Variants in POTEF observed in about 807,000 individuals in gnomAD.
POTEF encodes the protein POTE ankyrin domain family member F.
POTEF carries 20 observed loss-of-function variants against 83.2 expected under a neutral mutation model. The ratio of observed to expected loss-of-function variants is 0.24; its 90% CI spans 0.17 to 0.35. The LOEUF (loss-of-function observed/expected upper bound fraction) is 0.35, where lower values mean the gene tolerates loss of function less well. Ranked by LOEUF, POTEF falls within the 10% of genes least tolerant of loss-of-function variation. The pLI is 1.00. For missense variants in POTEF, 550 were observed against 1,203.2 expected (o/e 0.46, Z 8.03); for synonymous variants, 196 against 446.4 (o/e 0.44, Z 7.07).
intron 9 of POTEF, among the ~76,000 whole-genome samples, chr2:130,101,253 C>T (rs1393739734): frequency 4.0e-5 from 6 of 150,170 alleles, no homozygotes; most frequent in Non-Finnish European, 2.9e-5. Context: ...GAAAGAGATG[C>T]AAATTCTCAA....
At chr2:130,112,177 A>T (rs4614874) in intron 5 of POTEF, 76 bp from the exon 6 acceptor site, 6 of 1,274,020 alleles carry the variant, frequency 4.7e-6, no homozygotes, top group Non-Finnish European at 6.4e-6. Flanking sequence ...GAAACTTTAT[A>T]TAAGATCTTA....
At chr2:130,117,311 CCA>C (rs1303589497) in intron 3 of POTEF, among the ~76,000 whole-genome samples, 1 of 151,880 alleles carries the variant, frequency 6.6e-6, no homozygotes, top group Non-Finnish European at 1.5e-5. Context: ...AGATAGCCAA[CCA>C]CAGATAGAAA....
chr2:130,075,152 C>T lies in POTEF; in HGVS notation c.2320G>A (p.Gly774Ser), dbSNP rs755473566. The T allele has an allele frequency of 6.2e-6, 10 of 1,613,412 alleles. No homozygotes were observed. The highest frequency in any genetic ancestry group is 3.3e-5 in the South Asian group (3 of 91,044). Residue 774 changes from glycine to serine, a missense_variant, in exon 17 of 17, where the codon GGC (glycine) becomes AGC (serine). Coordinates refer to ENST00000409914, the MANE Select transcript of POTEF (RefSeq NM_001099771.2). ...ATGTCATCCCAGTTGGTGATGATGC[C>T]GTGTTCCATGGGGTACTTCAGGGTC... Reference protein sequence around the residue: ...ILTLKYPMEHGIITNWDDMEK... With the variant: ...ILTLKYPMEHSIITNWDDMEK...
At chr2:130,128,109 G>A (rs986891261) in intron 1 of POTEF, among the ~76,000 whole-genome samples, 40 of 147,950 alleles carry the variant, frequency 2.7e-4, no homozygotes, top group African/African-American at 1.0e-3. Context: ...GGGAGCAGGA[G>A]TAGGAGAAAC....
intron 15 of POTEF, among the ~76,000 whole-genome samples, chr2:130,083,227 C>A (rs1308255679): frequency 6.7e-6 from 1 of 149,052 alleles, no homozygotes; most frequent in Non-Finnish European, 1.5e-5. Flanking sequence ...CCCAGCTACT[C>A]AGGAGGCTGA....
chr2:130,123,709 T>C (rs2104831873), intron 2 of POTEF, among the ~76,000 whole-genome samples: 1 of 151,438 alleles, frequency 6.6e-6, no homozygotes, highest in East Asian at 1.9e-4. Context: ...GCTACATAAA[T>C]GCTATGTAAA....
intron 5 of POTEF, among the ~76,000 whole-genome samples, chr2:130,114,506 A>G (rs1573612944): frequency 6.8e-6 from 1 of 146,814 alleles, no homozygotes; most frequent in East Asian, 2.0e-4. Flanking sequence ...ATCTCTATTC[A>G]CTGAAACATG....
intron 8 of POTEF, among the ~76,000 whole-genome samples, chr2:130,107,070 T>G (rs1334494245): frequency 8.8e-5 from 13 of 148,400 alleles, no homozygotes. Context: ...TTGGACAATA[T>G]AATGTATTAG....
At chr2:130,117,428 G>A (rs1684871441) in intron 3 of POTEF, among the ~76,000 whole-genome samples, 1 of 151,742 alleles carries the variant, frequency 6.6e-6, no homozygotes, top group African/African-American at 2.4e-5. Context: ...TAAAACTTCA[G>A]ATGTTCATTG....
intron 1 of POTEF, among the ~76,000 whole-genome samples, chr2:130,128,619 T>C (rs1685157219): frequency 1.4e-5 from 2 of 147,562 alleles, no homozygotes; most frequent in East Asian, 2.1e-4. Flanking sequence ...CAGCCACAGG[T>C]GTTGCTGCAC....
intron 8 of POTEF, among the ~76,000 whole-genome samples, chr2:130,105,245 T>C (rs1470910999): frequency 2.6e-5 from 4 of 151,132 alleles, no homozygotes; most frequent in South Asian, 2.1e-4. Flanking sequence ...CAACTATTAA[T>C]GTTATTTCTT....
At chr2:130,101,122 T>C (rs1199301357) in intron 9 of POTEF, among the ~76,000 whole-genome samples, 1 of 123,188 alleles carries the variant, frequency 8.1e-6, no homozygotes, top group African/African-American at 3.5e-5. Context: ...TTGAAAAGAG[T>C]TTACCTCATG....
chr2:130,125,705 A>G (rs1023230956), intron 2 of POTEF, among the ~76,000 whole-genome samples: 56 of 152,052 alleles, frequency 3.7e-4, no homozygotes, highest in Admixed American at 3.9e-4. Flanking sequence ...CAGGTGTTCT[A>G]GGCCAGCCTG....
Position 130,127,847 on chromosome 2 carries a change from G to A in POTEF, c.-232C>T, listed in dbSNP as rs942974150. The A allele has an allele frequency of 7.3e-5, 11 of 149,740 alleles. No individual in the cohort carries two copies. Among genetic ancestry groups the A allele is most frequent in the South Asian group, 4.2e-4 (2 of 4,738 alleles). The allele number at this position is 149,740 out of a possible 1,614,324, so 9.3% of individuals were successfully genotyped here. A position where few individuals can be genotyped will look rare whatever the true frequency, so the allele number is the denominator to read the frequency against. On this transcript the variant is annotated 5_prime_UTR_variant, in exon 2 of 17. Coordinates refer to ENST00000409914, the MANE Select transcript of POTEF (RefSeq NM_001099771.2). ...CCAGCCTGGCTTGGAGCAGCTAGAC[G>A]GGCAAAGCCAGAAAAGCCTAGAATG... is the stretch of plus-strand genomic sequence containing the variant.
rs367701864 is a variant in POTEF at position 130,120,234 on chromosome 2, G to C, written c.282C>G (p.Leu94=). 1,758 of 1,599,582 alleles carry C rather than the reference G, an allele frequency of 1.1e-3. 2 individuals carry two copies. The highest frequency in any genetic ancestry group is 1.3e-3 in the Non-Finnish European group (1,530 of 1,175,410). ...GDHDDSAMKT[L]RNKMGKWCCH... ...AGCACCACTTGCCCATCTTGTTCCT[G>C]AGTGTCTTCATAGCAGAGTCGTCGT... is the stretch of plus-strand genomic sequence containing the variant. Residue 94 remains leucine, a synonymous_variant, in exon 3 of 17, where the codon CTC becomes CTG. Transcript: ENST00000409914.
chr2:130,104,839 T>G (rs1004732338), intron 8 of POTEF, among the ~76,000 whole-genome samples: 4 of 151,420 alleles, frequency 2.6e-5, no homozygotes, highest in African/African-American at 9.8e-5. Flanking sequence ...ACTTTCAGAT[T>G]CTTGGATCTT....
At chr2:130,122,145 TTAATA>T (rs1467817805) in intron 2 of POTEF, among the ~76,000 whole-genome samples, 1 of 145,456 alleles carries the variant, frequency 6.9e-6, no homozygotes, top group African/African-American at 2.5e-5. Flanking sequence ...GGAGCATGTA[TTAATA>T]TGTTTTTCTT....
Position 130,120,252 on chromosome 2 carries a change from G to C in POTEF, c.264C>G (p.Asp88Glu). 6.3e-7 allele frequency: 1 copy of C among 1,594,920 alleles called. No homozygotes were observed. Residue 88 changes from aspartate to glutamate, a missense_variant, in exon 3 of 17, where the codon GAC becomes GAG. Asp to Glu is a conservative substitution (Grantham distance 45). Transcript: ENST00000409914. ...SNVGASGDHD[D>E]SAMKTLRNKM... ...TGTTCCTGAGTGTCTTCATAGCAGA[G>C]TCGTCGTGGTCTCCAGAAGCGCCCA...
At chr2:130,121,171 C>T (rs1185195301) in intron 2 of POTEF, among the ~76,000 whole-genome samples, 2 of 150,034 alleles carry the variant, frequency 1.3e-5, no homozygotes, top group Non-Finnish European at 2.9e-5. Flanking sequence ...CGTCAGGGCA[C>T]GTGGCACAGA....
Sources: gnomAD v4.1 joint callset for allele counts (sites outside exome capture counted in the v4.1 genomes callset) on GRCh38, gnomAD v4.1.1 for gene constraint, MANE v1.5 for transcripts, NCBI Gene and HGNC (gene_info 2026-07-23, HGNC 2026-07-21) for gene names.